The following NRG3 variants were observed in gnomAD, a reference collection of about 807,000 sequenced individuals.
NRG3 encodes pro-neuregulin-3, membrane-bound isoform.
Under a neutral mutation model 66.9 loss-of-function variants are expected in NRG3, and 31 were observed. The ratio of observed to expected loss-of-function variants is 0.46; its 90% CI spans 0.35 to 0.63. The LOEUF (loss-of-function observed/expected upper bound fraction) is 0.63, where lower values mean the gene tolerates loss of function less well. Among genes scored for constraint, NRG3 ranks in the 20% least tolerant of loss-of-function variants. The probability of loss-of-function intolerance (pLI) is 0.00; values close to 1 mark genes in which losing one functional copy is unlikely to be tolerated. For synonymous variants in NRG3, 393 were observed against 359.4 expected (o/e 1.09, Z -1.06); for missense variants, 910 against 878.9 (o/e 1.04, Z -0.45).
intron 4 of NRG3, among the ~76,000 whole-genome samples, chr10:82,897,983 T>C (rs887906817): frequency 8.5e-5 from 13 of 152,218 alleles, no homozygotes; most frequent in African/African-American, 3.1e-4. Context: ...GAAGACATAA[T>C]GTAGCCTTAC....
intron 2 of NRG3, among the ~76,000 whole-genome samples, chr10:82,570,041 T>C (rs2045637433): frequency 6.6e-6 from 1 of 151,664 alleles, no homozygotes; most frequent in Non-Finnish European, 1.5e-5. Flanking sequence ...AGTACTGACA[T>C]GCTGCAAACC....
chr10:82,739,185 A>T (rs1401301951), intron 3 of NRG3, among the ~76,000 whole-genome samples: 1 of 152,148 alleles, frequency 6.6e-6, no homozygotes, highest in Non-Finnish European at 1.5e-5. Context: ...AGGACAAATT[A>T]TTTTTTCTCC....
Position 82,986,778 on chromosome 10 carries a change from G to A in NRG3, c.*1173G>A, listed in dbSNP as rs757631963. The A allele has an allele frequency of 6.6e-6, 1 of 152,116 alleles. No individual in the cohort carries two copies. The highest frequency in any genetic ancestry group is 1.5e-5 in the Non-Finnish European group (1 of 68,028). 9.4% of individuals were successfully genotyped at this position (152,116 alleles called of 1,614,324 possible). On this transcript the variant is annotated 3_prime_UTR_variant, in exon 9 of 9. Coordinates refer to ENST00000372141, the MANE Select transcript of NRG3 (RefSeq NM_001010848.4). ...ATGCCTACTTAAATTATTAATACAAGACAATTAACAAATTGACAGTTACCA... is the reference window on the plus strand; with the variant it reads ...ATGCCTACTTAAATTATTAATACAAAACAATTAACAAATTGACAGTTACCA...
At chr10:82,967,133 G>T (rs1017098317) in intron 6 of NRG3, among the ~76,000 whole-genome samples, 6 of 148,018 alleles carry the variant, frequency 4.1e-5, no homozygotes, top group South Asian at 2.1e-4. Flanking sequence ...ACAGATCAAA[G>T]ATTTTATATA....
At chr10:81,953,362 T>A (rs4933266) in intron 1 of NRG3, among the ~76,000 whole-genome samples, 149,751 of 152,196 alleles carry the variant, frequency 0.98, 73,694 homozygotes, top group East Asian at 1. Context: ...ATTATCTCAG[T>A]GGAAATAGAC....
intron 2 of NRG3, among the ~76,000 whole-genome samples, chr10:82,408,113 A>G (rs1423144094): frequency 7.0e-6 from 1 of 142,292 alleles, no homozygotes; most frequent in Non-Finnish European, 1.5e-5. Flanking sequence ...GAAAGAAAGA[A>G]AGAAAGAAAG....
rs184161673 is a variant in NRG3, at chr10:82,431,601, C to T, written c.953+72733C>T. On this transcript the variant is annotated intron_variant, in intron 2 of 8. Coordinates refer to ENST00000372141, the MANE Select transcript of NRG3 (RefSeq NM_001010848.4). ...TTTCAAATGTCCCTATTCCACTATT[C>T]GGAAAGTGCTTTCAAGTCTACAACT... is the stretch of plus-strand genomic sequence containing the variant. Among the ~76,000 whole-genome samples, 254 of 152,146 alleles carry T rather than the reference C, an allele frequency of 1.7e-3. 1 individual carries two copies. Among genetic ancestry groups the T allele is most frequent in the Non-Finnish European group, 2.7e-3 (185 of 67,996 alleles).
intron 2 of NRG3, among the ~76,000 whole-genome samples, chr10:82,656,689 A>G (rs570186834): frequency 6.6e-5 from 10 of 152,188 alleles, no homozygotes; most frequent in African/African-American, 1.9e-4. Context: ...CTGTCCAGCA[A>G]GGGACTGGAA....
chr10:82,161,569 G>T (rs2071604331), intron 1 of NRG3, among the ~76,000 whole-genome samples: 1 of 152,070 alleles, frequency 6.6e-6, no homozygotes, highest in Non-Finnish European at 1.5e-5. Context: ...GAAATCTCAG[G>T]CTCTGAAAGG....
intron 1 of NRG3, among the ~76,000 whole-genome samples, chr10:82,097,369 T>TACACACACAC (rs60288660): frequency 0.02 from 2,806 of 140,984 alleles, 72 homozygotes; most frequent in African/African-American, 0.058. Flanking sequence ...TCCAGATGGT[T>TACACACACAC]ACACACACAC....
At chr10:82,686,026 A>AT (rs1012446140) in intron 2 of NRG3, among the ~76,000 whole-genome samples, 5 of 152,026 alleles carry the variant, frequency 3.3e-5, no homozygotes, top group Admixed American at 2.6e-4. Context: ...TACAGTTAAC[A>AT]TTTTTTCTTT....
chr10:82,294,308 T>A (rs2079923232), intron 1 of NRG3, among the ~76,000 whole-genome samples: 1 of 152,198 alleles, frequency 6.6e-6, no homozygotes, highest in African/African-American at 2.4e-5. Context: ...GAATAAAGCA[T>A]TTTAGTTATA....
At chr10:82,843,180 T>G (rs893113128) in intron 3 of NRG3, 13 of 433,846 alleles carry the variant, frequency 3.0e-5, no homozygotes, top group Non-Finnish European at 1.4e-5. Context: ...GATTTGAATG[T>G]TTGTCCCCTC....
At chr10:82,583,143 T>C (rs1590762147) in intron 2 of NRG3, among the ~76,000 whole-genome samples, 1 of 152,242 alleles carries the variant, frequency 6.6e-6, no homozygotes, top group Non-Finnish European at 1.5e-5. Context: ...GGGAAGAGGA[T>C]TAAAAAATAG....
Position 81,966,101 on chromosome 10 carries a change from A to G in NRG3, c.823+89938A>G, listed in dbSNP as rs113219858. Among the ~76,000 whole-genome samples, 599 of 151,894 alleles carry G rather than the reference A, an allele frequency of 3.9e-3. 2 individuals carry two copies. The highest frequency in any genetic ancestry group is 0.014 in the African/African-American group (562 of 41,514). ...ACTAAGAGCTTTTAATAAGGAATTG[A>G]GTTTGAATTTTATAAATGTTTTTCA... On this transcript the variant is annotated intron_variant, in intron 1 of 8. Coordinates refer to ENST00000372141, the MANE Select transcript of NRG3 (RefSeq NM_001010848.4).
At chr10:81,953,810 T>G (rs1445307773) in intron 1 of NRG3, among the ~76,000 whole-genome samples, 1 of 152,214 alleles carries the variant, frequency 6.6e-6, no homozygotes, top group African/African-American at 2.4e-5. Context: ...AAAGCAGAAC[T>G]TTTTCATCCT....
intron 1 of NRG3, among the ~76,000 whole-genome samples, chr10:82,158,098 G>T (rs1590344518): frequency 6.6e-6 from 1 of 151,674 alleles, no homozygotes; most frequent in African/African-American, 2.4e-5. Flanking sequence ...CCATTTAATA[G>T]AAAGGGGATA....
At chr10:82,464,238 A>G (rs1455285494) in intron 2 of NRG3, among the ~76,000 whole-genome samples, 2 of 152,298 alleles carry the variant, frequency 1.3e-5, no homozygotes, top group East Asian at 3.9e-4. Context: ...TAGCAAAAAT[A>G]TGAAGACTTA....
chr10:82,313,346 A>C (rs1010376346), intron 1 of NRG3, among the ~76,000 whole-genome samples: 2 of 152,150 alleles, frequency 1.3e-5, no homozygotes, highest in African/African-American at 4.8e-5. Context: ...CAAAAAAATA[A>C]ATAAATACAA....
Sources: gnomAD v4.1 joint callset for allele counts (sites outside exome capture counted in the v4.1 genomes callset) on GRCh38, gnomAD v4.1.1 for gene constraint, MANE v1.5 for transcripts, NCBI Gene and HGNC (gene_info 2026-07-23, HGNC 2026-07-21) for gene names.